The following NWD1 variants were observed in gnomAD, a reference collection of about 807,000 sequenced individuals.
NWD1 encodes the protein NACHT and WD repeat domain containing 1.
In NWD1, 129 loss-of-function variants were observed where a neutral mutation model predicts 135.1. That is an observed-to-expected ratio of 0.96 (90% CI 0.83 to 1.11). NWD1 has a LOEUF of 1.11. Among genes scored for constraint, NWD1 ranks in the 50% least tolerant of loss-of-function variants. NWD1 has a pLI of 0.00. For missense variants in NWD1, 1,740 were observed against 1,851.3 expected, an observed-to-expected ratio of 0.94 and a Z score of 1.10; for synonymous variants, 773 against 786.0, an observed-to-expected ratio of 0.98 and a Z score of 0.28.
intron 3 of NWD1, among the ~76,000 whole-genome samples, chr19:16,732,069 T>C (rs1967591296): frequency 6.6e-6 from 1 of 151,682 alleles, no homozygotes; most frequent in Admixed American, 6.6e-5. Flanking sequence ...ATATAAAAAT[T>C]AGCCGGGCGT....
chr19:16,796,749 C>T (rs943879106), intron 15 of NWD1, among the ~76,000 whole-genome samples: 9 of 152,002 alleles, frequency 5.9e-5, no homozygotes, highest in Admixed American at 5.9e-4. Flanking sequence ...CCCTTCCTTC[C>T]ATCATAGTTA....
intron 18 of NWD1, among the ~76,000 whole-genome samples, chr19:16,814,605 T>G (rs1258227756): frequency 6.6e-6 from 1 of 152,252 alleles, no homozygotes; most frequent in Non-Finnish European, 1.5e-5. Flanking sequence ...CTATTATACA[T>G]TGTAGTATAA....
At chr19:16,765,250 T>G in intron 10 of NWD1, 58 bp downstream of exon 10, 1 of 1,503,862 alleles carries the variant, frequency 6.6e-7, no homozygotes, top group South Asian at 1.2e-5. Flanking sequence ...TCTAGAAACA[T>G]GCTCTCCTCA....
chr19:16,798,467 C>T (rs193297791), intron 16 of NWD1, among the ~76,000 whole-genome samples: 6 of 152,058 alleles, frequency 3.9e-5, no homozygotes, highest in South Asian at 4.2e-4. Context: ...AAAAATTAGC[C>T]GGGCGTCATG....
chr19:16,805,557 C>A (rs1158132788), intron 17 of NWD1, among the ~76,000 whole-genome samples: 1 of 152,068 alleles, frequency 6.6e-6, no homozygotes, highest in Non-Finnish European at 1.5e-5. Context: ...GTCTTGAACT[C>A]CTGGTCTCAA....
At chr19:16,784,153 C>T (rs898180048) in intron 12 of NWD1, among the ~76,000 whole-genome samples, 13 of 151,150 alleles carry the variant, frequency 8.6e-5, no homozygotes, top group African/African-American at 1.2e-4. Flanking sequence ...TGCTGTGAGC[C>T]GAGATCATGC....
At chr19:16,808,683 T>C (rs1364690095) in intron 18 of NWD1, among the ~76,000 whole-genome samples, 1 of 152,048 alleles carries the variant, frequency 6.6e-6, no homozygotes, top group Admixed American at 6.6e-5. Flanking sequence ...TCATAGCTCA[T>C]TGCAGCCTCA....
At chr19:16,741,368 G>GT (rs11292982) in intron 4 of NWD1, among the ~76,000 whole-genome samples, 1,305 of 124,996 alleles carry the variant, frequency 0.01, 17 homozygotes, top group South Asian at 0.024. Context: ...TTGTTTTTGT[G>GT]TTTTTTTTTT....
chr19:16,779,885 C>T (rs184671429), intron 12 of NWD1, among the ~76,000 whole-genome samples: 3 of 152,256 alleles, frequency 2.0e-5, no homozygotes, highest in African/African-American at 7.2e-5. Context: ...ATCCTCCCTC[C>T]TTAGCCTACC....
In NWD1 at chr19:16,762,287, C is replaced by T. The variant is rs73521255; in HGVS notation, c.2133+149C>T. 0.014 allele frequency: 8,945 copies of T among 624,104 alleles called. 687 individuals are homozygous for T. In the African/African-American group the frequency reaches 0.16, roughly 11 times the overall value. The allele number at this position is 624,104 out of a possible 1,614,324, so 38.7% of individuals were successfully genotyped here. On this transcript the variant is annotated intron_variant, in intron 8 of 18. Coordinates refer to ENST00000524140, the MANE Select transcript of NWD1 (RefSeq NM_001007525.5). ...AGGGCAAGATGTCCCTTCTACTGTC[C>T]CCCCCACTCCTTTTTTTTTTTTTTT...
intron 17 of NWD1, among the ~76,000 whole-genome samples, chr19:16,805,619 A>G (rs1970725480): frequency 6.6e-6 from 1 of 152,162 alleles, no homozygotes; most frequent in Admixed American, 6.6e-5. Context: ...GGCATGAGCC[A>G]CTGCACCTGG....
chr19:16,757,523 A>T (rs994172833), intron 6 of NWD1, among the ~76,000 whole-genome samples: 3 of 152,228 alleles, frequency 2.0e-5, no homozygotes, highest in Admixed American at 2.0e-4. Flanking sequence ...TGAGGCAAAG[A>T]GAAGGTACAT....
chr19:16,749,352 G>A lies in NWD1; in HGVS notation c.710G>A (p.Gly237Glu). Residue 237 changes from glycine to glutamate, a missense_variant, in exon 6 of 19, where the codon GGG (glycine) becomes GAG (glutamate). Coordinates refer to ENST00000524140, the MANE Select transcript of NWD1 (RefSeq NM_001007525.5). ...AGTCACATCACTGACATGCACCCAGGGGTCCTCAAGACCCACCGCCTGCCG... is the reference window on the plus strand; with the variant it reads ...AGTCACATCACTGACATGCACCCAGAGGTCCTCAAGACCCACCGCCTGCCG... ...LKSHITDMHP[G>E]VLKTHRLPWS... is the part of the protein sequence containing the mutation. 1 of 1,613,802 alleles carries A rather than the reference G, an allele frequency of 6.2e-7. No individual in the cohort carries two copies.
At chr19:16,799,331 G>A (rs1303669742) in intron 16 of NWD1, among the ~76,000 whole-genome samples, 2 of 152,000 alleles carry the variant, frequency 1.3e-5, no homozygotes, top group Admixed American at 6.6e-5. Context: ...GAGTAACTGC[G>A]ATTACAGGTG....
chr19:16,810,208 C>T (rs1051624881), intron 18 of NWD1, among the ~76,000 whole-genome samples: 6 of 151,862 alleles, frequency 4.0e-5, no homozygotes, highest in African/African-American at 7.3e-5. Flanking sequence ...GAGGCTGAGG[C>T]GGGTGGATCA....
chr19:16,753,320 G>A (rs1310111121), intron 6 of NWD1, among the ~76,000 whole-genome samples: 1 of 152,130 alleles, frequency 6.6e-6, no homozygotes, highest in Non-Finnish European at 1.5e-5. Flanking sequence ...GAAATCAAAT[G>A]GCCTACTTGG....
chr19:16,755,435 C>T (rs1968753194), intron 6 of NWD1, among the ~76,000 whole-genome samples: 1 of 152,108 alleles, frequency 6.6e-6, no homozygotes, highest in African/African-American at 2.4e-5. Context: ...GTTGCTTAGC[C>T]TGGAATGCAG....
Position 16,741,458 on chromosome 19 carries a change from T to C in NWD1, c.199-2963T>C, listed in dbSNP as rs375256551. Among the ~76,000 whole-genome samples, 93 of 149,736 alleles carry C rather than the reference T, an allele frequency of 6.2e-4. 1 individual carries two copies. The highest frequency in any genetic ancestry group is 2.1e-3 in the African/African-American group (87 of 40,638). On this transcript the variant is annotated intron_variant, in intron 4 of 18. Coordinates refer to ENST00000524140, the MANE Select transcript of NWD1 (RefSeq NM_001007525.5). ...TCGGTTCACTGAAACCTCCCTCTCC[T>C]GGGTTCAAGCAATTCTCCTTCCTCA... is the stretch of plus-strand genomic sequence containing the variant.
chr19:16,737,995 G>C (rs561993679), intron 4 of NWD1, among the ~76,000 whole-genome samples: 35 of 150,742 alleles, frequency 2.3e-4, no homozygotes, highest in African/African-American at 8.6e-4. Flanking sequence ...GAAAAGAAAA[G>C]AAAAGAAAAG....
Sources: allele counts gnomAD v4.1 joint callset (sites outside exome capture counted in the v4.1 genomes callset), GRCh38; gene constraint gnomAD v4.1.1; transcripts MANE v1.5; gene names NCBI Gene and HGNC (gene_info 2026-07-23, HGNC 2026-07-21).